The following ADAMTS16 variants were observed in gnomAD, a reference collection of about 807,000 sequenced individuals.
ADAMTS16 encodes the protein ADAM metallopeptidase with thrombospondin type 1 motif 16.
ADAMTS16 carries 94 observed loss-of-function variants against 145.8 expected under a neutral mutation model. The ratio of observed to expected loss-of-function variants is 0.64; its 90% CI spans 0.55 to 0.77. ADAMTS16 has a LOEUF of 0.77. Ranked by LOEUF, ADAMTS16 falls within the 30% of genes least tolerant of loss-of-function variation. The probability of loss-of-function intolerance (pLI) is 0.00; values close to 1 mark genes in which losing one functional copy is unlikely to be tolerated. For synonymous variants in ADAMTS16, 659 were observed against 604.3 expected (o/e 1.09, Z -1.33); for missense variants, 1,585 against 1,591.5 (o/e 1.00, Z 0.07).
At chr5:5,305,305 CAT>C (rs1459578047) in intron 20 of ADAMTS16, among the ~76,000 whole-genome samples, 3 of 69,472 alleles carry the variant, frequency 4.3e-5, no homozygotes, top group East Asian at 7.1e-4. Flanking sequence ...CACACACACA[CAT>C]CCCACACCAC....
At chr5:5,279,217 C>CT (rs1738809573) in intron 18 of ADAMTS16, among the ~76,000 whole-genome samples, 1 of 152,184 alleles carries the variant, frequency 6.6e-6, no homozygotes, top group Non-Finnish European at 1.5e-5. Context: ...CAGGCATTGT[C>CT]TGTCTGTGGG....
intron 17 of ADAMTS16, among the ~76,000 whole-genome samples, chr5:5,252,312 T>G (rs1016805963): frequency 3.3e-5 from 5 of 151,724 alleles, no homozygotes; most frequent in African/African-American, 4.8e-5. Flanking sequence ...TTCTGGAATC[T>G]CTGGCATTCA....
Position 5,302,060 on chromosome 5 carries a change from C to T in ADAMTS16, c.2790-1208C>T, listed in dbSNP as rs1410880545. Among the ~76,000 whole-genome samples, 18 of 152,190 alleles carry T rather than the reference C, an allele frequency of 1.2e-4. 1 individual carries two copies. The highest frequency in any genetic ancestry group is 4.3e-4 in the African/African-American group (18 of 41,450). On this transcript the variant is annotated intron_variant, in intron 18 of 22. Transcript: ENST00000274181. The stretch of plus-strand genomic sequence containing the variant: ...CCAGGAGGCAGCTCAAGCCCTCCTG[C>T]CCAGTGAGTCCCTGTTATGGCGCCA...
chr5:5,155,564 C>A (rs1312454436), intron 3 of ADAMTS16, among the ~76,000 whole-genome samples: 1 of 152,164 alleles, frequency 6.6e-6, no homozygotes, highest in East Asian at 1.9e-4. Flanking sequence ...TTGGGATTTT[C>A]AAAATTCAGA....
rs189394650 is a variant in ADAMTS16 at position 5,155,677 on chromosome 5, G to C, written c.501+9222G>C. On this transcript the variant is annotated intron_variant, in intron 3 of 22. Transcript: ENST00000274181. ...GGTTCTTTAAGTAAGCTACAAACTA[G>C]AATCAGCGGCTGCAACTGGAATGAT... 2.0e-5 allele frequency among the ~76,000 whole-genome samples: 3 copies of C among 152,282 alleles called. No individual in the cohort carries two copies. In the East Asian group the frequency reaches 5.8e-4, roughly 29 times the overall value.
In ADAMTS16 at chr5:5,318,139, G is replaced by C. The variant is rs375765082; in HGVS notation, c.3417G>C (p.Thr1139=). 6.8e-7 allele frequency: 1 copy of C among 1,468,508 alleles called. No homozygotes were observed. The highest frequency in any genetic ancestry group is 9.1e-7 in the Non-Finnish European group (1 of 1,102,852). The allele number at this position is 1,468,508 out of a possible 1,614,324, so 91.0% of individuals were successfully genotyped here. ...SWFASPWSQC[T]ASCGGGVQTR... Reference sequence around the variant, plus strand: ...TGTGTGTGTTGCTCTCACAGTGCACGGCCAGCTGTGGGGGAGGCGTTCAGA... The same window carrying C: ...TGTGTGTGTTGCTCTCACAGTGCACCGCCAGCTGTGGGGGAGGCGTTCAGA... Residue 1139 remains threonine (T), a synonymous_variant, in exon 22 of 23, where the codon ACG becomes ACC. Transcript: ENST00000274181.
At chr5:5,266,146 G>C (rs566263672) in intron 18 of ADAMTS16, among the ~76,000 whole-genome samples, 54 of 152,204 alleles carry the variant, frequency 3.5e-4, no homozygotes, top group Non-Finnish European at 6.0e-4. Context: ...TCTCAAGCTA[G>C]TCATGTTAGT....
In ADAMTS16 at chr5:5,239,233, C is replaced by T. The variant is rs560563999; in HGVS notation, c.2237C>T (p.Thr746Met). 1.7e-5 allele frequency: 28 copies of T among 1,601,544 alleles called. No individual in the cohort carries two copies. The East Asian group carries it at 3.8e-4, about 22-fold the overall frequency. The change falls in exon 15 of 23, where the codon ACG becomes ATG. Residue 746 changes from threonine (T) to methionine (M), a missense_variant. By Grantham distance (81) the Thr-to-Met change is moderately conservative. Around this residue, in one of 3 missense-constraint regions of ADAMTS16, gnomAD observed 834 missense variants for 811.7 expected, o/e 1.03. Coordinates refer to ENST00000274181, the MANE Select transcript of ADAMTS16 (RefSeq NM_139056.4). ...GVCNGNNSACTIHRGLYTKHH... is the reference protein window; with the variant it reads ...GVCNGNNSACMIHRGLYTKHH... Reference sequence around the variant, plus strand: ...TGTAACGGGAATAACTCAGCCTGCACGATTCACAGGGGTCTCTACACCAAG... The same window carrying T: ...TGTAACGGGAATAACTCAGCCTGCATGATTCACAGGGGTCTCTACACCAAG...
At chr5:5,140,589 T>G (rs1734131147) in intron 1 of ADAMTS16, 50 bp downstream of exon 1, 1 of 1,514,936 alleles carries the variant, frequency 6.6e-7, no homozygotes. Flanking sequence ...TCCGGACAGC[T>G]GGAGGCGAGT....
chr5:5,255,472 A>AAT (rs1425075268), intron 17 of ADAMTS16, among the ~76,000 whole-genome samples: 1 of 152,240 alleles, frequency 6.6e-6, no homozygotes, highest in Non-Finnish European at 1.5e-5. Flanking sequence ...TTTAGAGATC[A>AAT]TTGGTGATGA....
chr5:5,215,486 G>A (rs1021165310), intron 10 of ADAMTS16, among the ~76,000 whole-genome samples: 1 of 151,538 alleles, frequency 6.6e-6, no homozygotes, highest in African/African-American at 2.4e-5. Context: ...TTTATCCCTC[G>A]GCCCCCTCCC....
intron 3 of ADAMTS16, among the ~76,000 whole-genome samples, chr5:5,170,868 G>A (rs1221749375): frequency 6.6e-6 from 1 of 152,014 alleles, no homozygotes; most frequent in Non-Finnish European, 1.5e-5. Context: ...TAACTTGCAG[G>A]GATCCCATTG....
intron 18 of ADAMTS16, among the ~76,000 whole-genome samples, chr5:5,271,335 C>T (rs372617146): frequency 1.3e-5 from 2 of 152,352 alleles, no homozygotes; most frequent in African/African-American, 2.4e-5. Flanking sequence ...AAATAACAGG[C>T]ATCAGCAATT....
At chr5:5,208,332 A>G (rs1196704850) in intron 9 of ADAMTS16, among the ~76,000 whole-genome samples, 2 of 152,174 alleles carry the variant, frequency 1.3e-5, no homozygotes, top group African/African-American at 4.8e-5. Flanking sequence ...TGGTTTTCTC[A>G]GGGAAGGGCC....
chr5:5,152,564 T>C (rs114869890), intron 3 of ADAMTS16, among the ~76,000 whole-genome samples: 2,943 of 152,224 alleles, frequency 0.019, 84 homozygotes, highest in African/African-American at 0.067. Flanking sequence ...GTAGTGCAAA[T>C]GGAGTCTCAG....
intron 18 of ADAMTS16, among the ~76,000 whole-genome samples, chr5:5,282,078 G>A (rs1010348115): frequency 2.6e-5 from 4 of 151,310 alleles, no homozygotes; most frequent in African/African-American, 4.9e-5. Flanking sequence ...AGCAGCCTCC[G>A]ACCCTCATGA....
intron 3 of ADAMTS16, among the ~76,000 whole-genome samples, chr5:5,174,669 T>C (rs552298068): frequency 6.6e-6 from 1 of 152,350 alleles, no homozygotes; most frequent in East Asian, 1.9e-4. Context: ...GACTGTATTT[T>C]CAAATAGCCT....
chr5:5,241,236 G>T (rs998902161), intron 16 of ADAMTS16, among the ~76,000 whole-genome samples: 1 of 152,136 alleles, frequency 6.6e-6, no homozygotes, highest in African/African-American at 2.4e-5. Flanking sequence ...ATGTCAACAG[G>T]TTATGGTGAG....
At chr5:5,176,713 T>C (rs561765688) in intron 3 of ADAMTS16, among the ~76,000 whole-genome samples, 1 of 152,346 alleles carries the variant, frequency 6.6e-6, no homozygotes, top group Admixed American at 6.5e-5. Context: ...AGGATAATCA[T>C]AGCGCATTCT....
Sources: allele counts gnomAD v4.1 joint callset (sites outside exome capture counted in the v4.1 genomes callset), GRCh38; gene constraint gnomAD v4.1.1; regional missense constraint gnomAD v4.1.1; transcripts MANE v1.5; gene names NCBI Gene and HGNC (gene_info 2026-07-23, HGNC 2026-07-21).